FAM53B: variants seen among roughly 807,000 people sequenced by gnomAD.
The protein encoded by FAM53B is family with sequence similarity 53 member B.
In FAM53B, 12 loss-of-function variants were observed where a neutral mutation model predicts 32.7. That is an observed-to-expected ratio of 0.37 (90% CI 0.24 to 0.59). The LOEUF (loss-of-function observed/expected upper bound fraction) is 0.59, where lower values mean the gene tolerates loss of function less well. Among genes scored for constraint, FAM53B ranks in the 20% least tolerant of loss-of-function variants. The pLI is 0.72. For missense variants in FAM53B, 477 were observed against 577.7 expected (o/e 0.83, Z 1.79); for synonymous variants, 234 against 228.7 (o/e 1.02, Z -0.21).
chr10:124,636,382 T>C (rs946330518), intron 4 of FAM53B, among the ~76,000 whole-genome samples: 7 of 152,226 alleles, frequency 4.6e-5, no homozygotes, highest in Non-Finnish European at 7.3e-5. Flanking sequence ...AAATTAAATC[T>C]GAGTTTCACA....
chr10:124,704,095 C>G (rs1455384785), intron 2 of FAM53B: 1 of 152,354 alleles, frequency 6.6e-6, no homozygotes, highest in Non-Finnish European at 1.5e-5. Flanking sequence ...ACAGCTGGAC[C>G]CGGGTAGGGC....
At chr10:124,630,741 G>A (rs1411795001) in intron 4 of FAM53B, among the ~76,000 whole-genome samples, 2 of 152,252 alleles carry the variant, frequency 1.3e-5, no homozygotes, top group African/African-American at 2.4e-5. Flanking sequence ...CAGGGTGGAA[G>A]GCTGGCCCTG....
rs547059208 is a variant in FAM53B, at chr10:124,668,800, T to TA, written c.906+12806dup. ...GAGCACGGTACGGCACAGCCACCGT[T>TA]ACAGTGTGCCCTCAAACCACCTTCC... On this transcript the variant is annotated intron_variant, in intron 4 of 4. Transcript: ENST00000337318. Among the ~76,000 whole-genome samples, 107 of 152,368 alleles carry TA rather than the reference T, an allele frequency of 7.0e-4. 3 individuals carry two copies. In the South Asian group the frequency reaches 0.022, roughly 31 times the overall value.
rs1382477256 is a variant in FAM53B, at chr10:124,651,363, T to C, written c.907-27759A>G. Reference sequence around the variant, plus strand: ...TGGAGGGGTGCGGCTGAGCAGAGGGTGCTGCCTGGCATCCTCCTGAGCCTG... The same window carrying C: ...TGGAGGGGTGCGGCTGAGCAGAGGGCGCTGCCTGGCATCCTCCTGAGCCTG... On this transcript the variant is annotated intron_variant, in intron 4 of 4. Coordinates refer to ENST00000337318, the MANE Select transcript of FAM53B (RefSeq NM_014661.4). The surrounding 1 kb of genome is among the most constrained non-coding windows in gnomAD (Gnocchi z 5.2). Among the ~76,000 whole-genome samples the C allele has an allele frequency of 2.6e-5, 4 of 152,022 alleles. No individual in the cohort carries two copies.
At chr10:124,732,125 G>A (rs1408549005) in intron 1 of FAM53B, among the ~76,000 whole-genome samples, 1 of 152,194 alleles carries the variant, frequency 6.6e-6, no homozygotes, top group Admixed American at 6.5e-5. Context: ...TCAGGGGGTA[G>A]GACAAAAATT....
At chr10:124,709,386 C>T (rs7900254) in intron 1 of FAM53B, among the ~76,000 whole-genome samples, 7,657 of 152,210 alleles carry the variant, frequency 0.05, 636 homozygotes, top group African/African-American at 0.17. Context: ...AGCAGAGTCC[C>T]GACAAGGGGC....
At chr10:124,736,715 T>C (rs1329410563) in intron 1 of FAM53B, among the ~76,000 whole-genome samples, 2 of 152,220 alleles carry the variant, frequency 1.3e-5, no homozygotes, top group Non-Finnish European at 2.9e-5. Context: ...CAGCAGCAAC[T>C]GGAACCTGCA....
At chr10:124,658,663 T>C (rs1180347487) in intron 4 of FAM53B, among the ~76,000 whole-genome samples, 4 of 152,126 alleles carry the variant, frequency 2.6e-5, no homozygotes, top group African/African-American at 7.2e-5. Context: ...TGGAGGAAGC[T>C]GAGATCCTAG....
chr10:124,705,171 G>C (rs1295641235), intron 2 of FAM53B, among the ~76,000 whole-genome samples: 1 of 152,232 alleles, frequency 6.6e-6, no homozygotes, highest in Non-Finnish European at 1.5e-5. Context: ...CATGAGCAGA[G>C]TGGCACCAGT....
intron 4 of FAM53B, among the ~76,000 whole-genome samples, chr10:124,657,430 G>A (rs1564869853): frequency 6.6e-6 from 1 of 152,108 alleles, no homozygotes; most frequent in Non-Finnish European, 1.5e-5. Flanking sequence ...TAGAAAGGGT[G>A]TCAAGAGTCA....
At chr10:124,646,337 T>C (rs1054547525) in intron 4 of FAM53B, among the ~76,000 whole-genome samples, 2 of 152,248 alleles carry the variant, frequency 1.3e-5, no homozygotes, top group Admixed American at 6.5e-5. Flanking sequence ...GGGCTGTATC[T>C]GCTCTGGCCC....
intron 3 of FAM53B, among the ~76,000 whole-genome samples, chr10:124,693,542 A>G (rs1486743495): frequency 6.6e-6 from 1 of 151,852 alleles, no homozygotes; most frequent in East Asian, 1.9e-4. Flanking sequence ...CTCCCAGTTC[A>G]TGGAGCACAC....
intron 1 of FAM53B, among the ~76,000 whole-genome samples, chr10:124,709,687 A>AT (rs1319665585): frequency 6.6e-6 from 1 of 152,200 alleles, no homozygotes; most frequent in Non-Finnish European, 1.5e-5. Context: ...GTGTTGTTAC[A>AT]TAAGGGAATA....
At chr10:124,678,960 C>T (rs1949752786) in intron 4 of FAM53B, among the ~76,000 whole-genome samples, 1 of 152,230 alleles carries the variant, frequency 6.6e-6, no homozygotes, top group African/African-American at 2.4e-5. Flanking sequence ...GAATGGCCAG[C>T]TGCTCCAAAG....
At chr10:124,729,309 A>G (rs1950126546) in intron 1 of FAM53B, among the ~76,000 whole-genome samples, 1 of 152,202 alleles carries the variant, frequency 6.6e-6, no homozygotes, top group African/African-American at 2.4e-5. Context: ...AGGCAAGCAC[A>G]GTGTCAAAGG....
At chr10:124,663,252 T>C (rs1484545558) in intron 4 of FAM53B, among the ~76,000 whole-genome samples, 1 of 152,254 alleles carries the variant, frequency 6.6e-6, no homozygotes, top group South Asian at 2.1e-4. Flanking sequence ...ATTTGTGTGT[T>C]GACCAAAGTT....
intron 4 of FAM53B, among the ~76,000 whole-genome samples, chr10:124,643,253 T>C (rs1949488292): frequency 1.3e-5 from 2 of 152,176 alleles, no homozygotes; most frequent in African/African-American, 2.4e-5. Flanking sequence ...CAACTTCCAA[T>C]TGATTGAGGG....
Position 124,623,618 on chromosome 10 carries a change from GAC to G in FAM53B, c.907-16_907-15del. 2 of 1,605,294 alleles carry G rather than the reference GAC, an allele frequency of 1.2e-6. No homozygotes were observed. Among genetic ancestry groups the G allele is most frequent in the South Asian group, 1.1e-5 (1 of 90,170 alleles). ...GGTCTGACAGTTCTGTGGAGGGGCA[GAC>G]ACACAGGTTACTAAGGGTTACTCCC... On this transcript the variant is annotated splice_polypyrimidine_tract_variant and intron_variant, in intron 4 of 4. Coordinates refer to ENST00000337318, the MANE Select transcript of FAM53B (RefSeq NM_014661.4).
chr10:124,679,757 A>T (rs1253424716), intron 4 of FAM53B, among the ~76,000 whole-genome samples: 1 of 152,274 alleles, frequency 6.6e-6, no homozygotes, highest in African/African-American at 2.4e-5. Flanking sequence ...CAGATCTGGG[A>T]GGCCTGCCTG....
Sources: gnomAD v4.1 joint callset for allele counts (sites outside exome capture counted in the v4.1 genomes callset) on GRCh38, gnomAD v4.1.1 for gene constraint, Gnocchi (gnomAD v3.1) non-coding constraint, MANE v1.5 for transcripts, NCBI Gene and HGNC (gene_info 2026-07-23, HGNC 2026-07-21) for gene names.